F13A1: variants seen among roughly 807,000 people sequenced by gnomAD.
F13A1 encodes the protein coagulation factor XIII A chain, also known as FSF, A subunit.
F13A1 carries 47 observed loss-of-function variants against 80.1 expected under a neutral mutation model. That is an observed-to-expected ratio of 0.59 (90% CI 0.46 to 0.75). F13A1 has a LOEUF of 0.75. Among genes scored for constraint, F13A1 ranks in the 30% least tolerant of loss-of-function variants. The pLI is 0.00. For missense variants in F13A1, 817 were observed against 930.4 expected (o/e 0.88, Z 1.59); for synonymous variants, 349 against 344.9 (o/e 1.01, Z -0.13).
At chr6:6,277,675 G>C (rs1014724119) in intron 3 of F13A1, among the ~76,000 whole-genome samples, 1 of 152,200 alleles carries the variant, frequency 6.6e-6, no homozygotes, top group Non-Finnish European at 1.5e-5. Flanking sequence ...TATCAACCAT[G>C]GACTGGTTCT....
intron 9 of F13A1, 72 bp from the exon 10 acceptor site, chr6:6,195,957 G>T: frequency 1.5e-6 from 2 of 1,344,246 alleles, no homozygotes; most frequent in Non-Finnish European, 2.1e-6. Context: ...AAGATTCATG[G>T]CACTGAGGGT....
At chr6:6,311,856 GTTTGT>G (rs1758606143) in intron 2 of F13A1, among the ~76,000 whole-genome samples, 1 of 123,242 alleles carries the variant, frequency 8.1e-6, no homozygotes, top group Admixed American at 8.7e-5. Context: ...TTATATATTT[GTTTGT>G]TTTCACTATG....
At position 6,167,567 on chromosome 6, in the gene F13A1, A is replaced by G; in HGVS notation, c.1799T>C (p.Leu600Pro). 1 of 1,614,088 alleles carries G rather than the reference A, an allele frequency of 6.2e-7. No homozygotes were observed. Residue 600 changes from leucine to proline, a missense_variant, in exon 13 of 15, where the codon CTG becomes CCG. By Grantham distance (98) the Leu-to-Pro change is moderately conservative (BLOSUM62 -3). Coordinates refer to ENST00000264870, the MANE Select transcript of F13A1 (RefSeq NM_000129.4). ...AAAGAAGTGCAGGGACGCTTGTTCC[A>G]GCAGCTGACCCATGTACTCGCCGGC... ...IQAGEYMGQL[L>P]EQASLHFFVT...
At chr6:6,288,320 T>C (rs1179542130) in intron 3 of F13A1, among the ~76,000 whole-genome samples, 2 of 152,224 alleles carry the variant, frequency 1.3e-5, no homozygotes, top group East Asian at 3.8e-4. Context: ...ATCTTCTTTT[T>C]CCTCATTCCT....
At chr6:6,283,672 CT>C (rs533647348) in intron 3 of F13A1, among the ~76,000 whole-genome samples, 25 of 149,248 alleles carry the variant, frequency 1.7e-4, no homozygotes, top group Admixed American at 1.1e-3. Context: ...CATGTCCTTC[CT>C]TTTTTTTTTC....
At chr6:6,218,410 C>T (rs914168761) in intron 8 of F13A1, among the ~76,000 whole-genome samples, 1 of 152,168 alleles carries the variant, frequency 6.6e-6, no homozygotes, top group Non-Finnish European at 1.5e-5. Flanking sequence ...ATTAAACTGT[C>T]CAGTGATTCA....
intron 7 of F13A1, 48 bp downstream of exon 7, chr6:6,224,638 G>C: frequency 6.4e-7 from 1 of 1,558,950 alleles, no homozygotes; most frequent in South Asian, 1.1e-5. Context: ...ATGTCTTAGA[G>C]TGAAGTTTCC....
At position 6,242,984 on chromosome 6, in the gene F13A1, T is replaced by G. The variant is rs888505052; in HGVS notation, c.798+5328A>C. 2.0e-5 allele frequency among the ~76,000 whole-genome samples: 3 copies of G among 152,220 alleles called. No homozygotes were observed. In the East Asian group the frequency reaches 5.8e-4, roughly 29 times the overall value. On this transcript the variant is annotated intron_variant, in intron 6 of 14. Transcript: ENST00000264870. The stretch of plus-strand genomic sequence containing the variant: ...TACTAGTCTGTGTTCTCTGTTAGAC[T>G]GTAAGCTTTGTGAAGGCAGAAACTT...
chr6:6,258,798 A>T (rs920649297), intron 4 of F13A1, among the ~76,000 whole-genome samples: 1 of 152,240 alleles, frequency 6.6e-6, no homozygotes, highest in African/African-American at 2.4e-5. Context: ...AAAACTTCAT[A>T]AAAATTCAAT....
chr6:6,197,177 A>G, intron 9 of F13A1, 46 bp downstream of exon 9: 2 of 1,577,330 alleles, frequency 1.3e-6, no homozygotes, highest in Non-Finnish European at 1.7e-6. Flanking sequence ...AAGCAAAACA[A>G]AGATCAGCAA....
At chr6:6,154,443 T>C (rs1454427220) in intron 13 of F13A1, among the ~76,000 whole-genome samples, 2 of 152,226 alleles carry the variant, frequency 1.3e-5, no homozygotes, top group African/African-American at 4.8e-5. Context: ...TGCATCTTTG[T>C]TGCAGAGCTG....
intron 13 of F13A1, among the ~76,000 whole-genome samples, chr6:6,160,854 CT>C (rs11318478): frequency 0.31 from 45,262 of 144,520 alleles, 6,984 homozygotes; most frequent in African/African-American, 0.38. Flanking sequence ...ATTTTAAAAG[CT>C]TTTTTTTTTT....
chr6:6,307,250 G>C (rs953115775), intron 2 of F13A1, among the ~76,000 whole-genome samples: 1 of 152,092 alleles, frequency 6.6e-6, no homozygotes, highest in African/African-American at 2.4e-5. Context: ...CCTGACTGCA[G>C]CATTACGGCA....
chr6:6,286,117 G>A (rs1758136442), intron 3 of F13A1, among the ~76,000 whole-genome samples: 1 of 152,266 alleles, frequency 6.6e-6, no homozygotes, highest in South Asian at 2.1e-4. Flanking sequence ...CCTGAAGTCA[G>A]TCAGGTGCGG....
At position 6,266,901 on chromosome 6, in the gene F13A1, T is replaced by A. The variant is rs1187575582; in HGVS notation, c.320-92A>T. The A allele has an allele frequency of 3.9e-6, 6 of 1,532,996 alleles. No homozygotes were observed. In the African/African-American group the frequency reaches 6.8e-5, roughly 17 times the overall value. 95.0% of individuals were successfully genotyped at this position (1,532,996 alleles called of 1,614,324 possible). A position where few individuals can be genotyped will look rare whatever the true frequency, so the allele number is the denominator to read the frequency against. On this transcript the variant is annotated intron_variant, in intron 3 of 14. Transcript: ENST00000264870. ...TATCTTATAGCTGAAGGGACAGGAGTAATCCATTAGAATTATTCTTGACTT... is the reference window on the plus strand; with the variant it reads ...TATCTTATAGCTGAAGGGACAGGAGAAATCCATTAGAATTATTCTTGACTT...
At chr6:6,275,152 C>T (rs1757970583) in intron 3 of F13A1, among the ~76,000 whole-genome samples, 1 of 150,816 alleles carries the variant, frequency 6.6e-6, no homozygotes, top group Non-Finnish European at 1.5e-5. Context: ...TCAGAGGGTG[C>T]TGAAGTGCTC....
intron 3 of F13A1, among the ~76,000 whole-genome samples, chr6:6,297,322 G>C (rs1245398717): frequency 6.6e-6 from 1 of 151,830 alleles, no homozygotes; most frequent in African/African-American, 2.4e-5. Context: ...AGAAGGAATG[G>C]TACCAGTTCC....
At chr6:6,173,570 G>C (rs547298914) in intron 12 of F13A1, among the ~76,000 whole-genome samples, 10 of 152,154 alleles carry the variant, frequency 6.6e-5, no homozygotes, top group African/African-American at 2.4e-4. Flanking sequence ...ACCACGCCGG[G>C]CTAATTTTTG....
chr6:6,286,852 C>A (rs1175739697), intron 3 of F13A1, among the ~76,000 whole-genome samples: 1 of 152,116 alleles, frequency 6.6e-6, no homozygotes, highest in Admixed American at 6.5e-5. Context: ...CTATTTATAG[C>A]CTGTCTTATG....
Sources: allele counts gnomAD v4.1 joint callset (sites outside exome capture counted in the v4.1 genomes callset), GRCh38; gene constraint gnomAD v4.1.1; transcripts MANE v1.5; gene names NCBI Gene and HGNC (gene_info 2026-07-23, HGNC 2026-07-21).